CNBD1: variants seen among roughly 807,000 people sequenced by gnomAD.
The protein encoded by CNBD1 is cyclic nucleotide-binding domain-containing protein 1.
In CNBD1, 71 loss-of-function variants were observed where a neutral mutation model predicts 54.4. The observed-to-expected ratio is 1.30, with a 90% confidence interval of 1.08 to 1.59. The LOEUF (loss-of-function observed/expected upper bound fraction) is 1.59, where lower values mean the gene tolerates loss of function less well. CNBD1 is among the 40% of genes most tolerant of loss of function. The pLI is 0.00. For synonymous variants in CNBD1, 182 were observed against 170.7 expected, an observed-to-expected ratio of 1.07 and a Z score of -0.51; for missense variants, 659 against 518.0, an observed-to-expected ratio of 1.27 and a Z score of -2.64.
intron 5 of CNBD1, among the ~76,000 whole-genome samples, chr8:87,213,569 A>C (rs1363380804): frequency 6.6e-6 from 1 of 152,186 alleles, no homozygotes; most frequent in African/African-American, 2.4e-5. Context: ...CCATGACAAC[A>C]GTATGGGAGA....
chr8:87,080,247 T>C (rs983804834), intron 4 of CNBD1, among the ~76,000 whole-genome samples: 1 of 152,200 alleles, frequency 6.6e-6, no homozygotes, highest in Non-Finnish European at 1.5e-5. Context: ...TTGTTCTTTT[T>C]CAAAATTACT....
chr8:86,915,008 A>G (rs1316275332), intron 3 of CNBD1, among the ~76,000 whole-genome samples: 7 of 152,186 alleles, frequency 4.6e-5, no homozygotes. Context: ...AGTTTAATAC[A>G]CGCAGAGCCA....
intron 6 of CNBD1, among the ~76,000 whole-genome samples, chr8:87,280,596 G>A (rs759224588): frequency 6.6e-6 from 1 of 151,398 alleles, no homozygotes; most frequent in Non-Finnish European, 1.5e-5. Flanking sequence ...CTTATTTAAT[G>A]TGTAAATGCC....
chr8:87,136,476 CA>C (rs1325747495), intron 4 of CNBD1, among the ~76,000 whole-genome samples: 1 of 137,524 alleles, frequency 7.3e-6, no homozygotes, highest in African/African-American at 2.7e-5. Context: ...AAGAAGCATA[CA>C]TTTTGCTTAT....
chr8:87,260,523 A>G (rs1415397895), intron 6 of CNBD1, among the ~76,000 whole-genome samples: 1 of 152,130 alleles, frequency 6.6e-6, no homozygotes, highest in Non-Finnish European at 1.5e-5. Context: ...TTTTTGCATT[A>G]ATCAAAACTT....
At chr8:86,965,339 G>A (rs1319142881) in intron 4 of CNBD1, among the ~76,000 whole-genome samples, 1 of 152,136 alleles carries the variant, frequency 6.6e-6, no homozygotes, top group African/African-American at 2.4e-5. Context: ...TGTAGCCTCA[G>A]CCAGATACTC....
At chr8:87,267,650 A>C (rs1288916256) in intron 6 of CNBD1, among the ~76,000 whole-genome samples, 1 of 152,184 alleles carries the variant, frequency 6.6e-6, no homozygotes, top group Non-Finnish European at 1.5e-5. Context: ...AAAAGAATGA[A>C]TAAGTAATTT....
At chr8:87,340,200 T>C (rs1006468492) in intron 8 of CNBD1, among the ~76,000 whole-genome samples, 2 of 152,210 alleles carry the variant, frequency 1.3e-5, no homozygotes, top group South Asian at 4.1e-4. Flanking sequence ...GAATATGTTA[T>C]ATCTTCTTCT....
At position 87,287,385 on chromosome 8, in the gene CNBD1, A is replaced by C. The variant is rs531250985; in HGVS notation, c.1042+714A>C. 7.9e-5 allele frequency among the ~76,000 whole-genome samples: 12 copies of C among 152,270 alleles called. No homozygotes were observed. In the South Asian group the frequency reaches 2.3e-3, roughly 29 times the overall value. On this transcript the variant is annotated intron_variant, in intron 8 of 10. Coordinates refer to ENST00000518476, the MANE Select transcript of CNBD1 (RefSeq NM_173538.3). ...CACAATTGCTACATGAGAGACAGCC[A>C]CAGATAACAGAGAGAGGATGGCGAC...
At chr8:87,357,540 T>A (rs765854428) in intron 10 of CNBD1, among the ~76,000 whole-genome samples, 16 of 152,174 alleles carry the variant, frequency 1.1e-4, no homozygotes, top group South Asian at 6.2e-4. Context: ...GTTTCCCCTA[T>A]CTTTTGTCTT....
chr8:86,888,306 CAGAG>C (rs1320762990), intron 2 of CNBD1, among the ~76,000 whole-genome samples: 1 of 152,026 alleles, frequency 6.6e-6, no homozygotes, highest in African/African-American at 2.4e-5. Flanking sequence ...TCTTCTGTCT[CAGAG>C]AGAGAGAAGA....
At position 87,326,292 on chromosome 8, in the gene CNBD1, A is replaced by T. The variant is rs1489847449; in HGVS notation, c.1043-25393A>T. On this transcript the variant is annotated intron_variant, in intron 8 of 10. Coordinates refer to ENST00000518476, the MANE Select transcript of CNBD1 (RefSeq NM_173538.3). ...TGACAATGATGTGTCTTGGAGTTGCACTTCTCGAGGAATATCTTTGTGGCG... is the reference window on the plus strand; with the variant it reads ...TGACAATGATGTGTCTTGGAGTTGCTCTTCTCGAGGAATATCTTTGTGGCG... Among the ~76,000 whole-genome samples, 678 of 122,674 alleles carry T rather than the reference A, an allele frequency of 5.5e-3. 105 individuals are homozygous for T. The highest frequency in any genetic ancestry group is 0.02 in the African/African-American group (658 of 33,056). 80.5% of individuals were successfully genotyped at this position (122,674 alleles called of 152,430 possible).
chr8:87,223,308 G>C (rs1331197903), intron 5 of CNBD1, among the ~76,000 whole-genome samples: 1 of 150,552 alleles, frequency 6.6e-6, no homozygotes, highest in Admixed American at 6.6e-5. Context: ...AGTTACATAC[G>C]TATACATGTG....
intron 4 of CNBD1, among the ~76,000 whole-genome samples, chr8:87,041,556 TG>T (rs1019798069): frequency 4.6e-5 from 7 of 152,294 alleles, no homozygotes; most frequent in African/African-American, 1.7e-4. Flanking sequence ...CCCAGCACTT[TG>T]GGAAGCCAAG....
intron 10 of CNBD1, among the ~76,000 whole-genome samples, chr8:87,358,134 A>G (rs1040562223): frequency 6.6e-6 from 1 of 152,126 alleles, no homozygotes; most frequent in Non-Finnish European, 1.5e-5. Context: ...TTGCAGAACT[A>G]TCAGTCAAAT....
At chr8:87,032,397 C>A (rs1311545232) in intron 4 of CNBD1, among the ~76,000 whole-genome samples, 2 of 152,118 alleles carry the variant, frequency 1.3e-5, no homozygotes, top group Non-Finnish European at 2.9e-5. Flanking sequence ...TATATTCTTA[C>A]ACTAAAGTAA....
chr8:86,989,336 C>CATAT (rs1808686404), intron 4 of CNBD1, among the ~76,000 whole-genome samples: 1 of 152,024 alleles, frequency 6.6e-6, no homozygotes, highest in Admixed American at 6.5e-5. Flanking sequence ...TACATACATA[C>CATAT]ATAGGTATGC....
chr8:87,178,380 A>G (rs757490411), intron 4 of CNBD1, among the ~76,000 whole-genome samples: 12 of 152,174 alleles, frequency 7.9e-5, no homozygotes, highest in Non-Finnish European at 1.3e-4. Context: ...GGGGCATGCA[A>G]TGCAGATATC....
chr8:87,089,234 G>A (rs1381775699), intron 4 of CNBD1, among the ~76,000 whole-genome samples: 1 of 152,104 alleles, frequency 6.6e-6, no homozygotes, highest in Non-Finnish European at 1.5e-5. Flanking sequence ...CCACAGACAT[G>A]ATTCTGTAGC....
Sources: gnomAD v4.1 joint callset for allele counts (sites outside exome capture counted in the v4.1 genomes callset) on GRCh38, gnomAD v4.1.1 for gene constraint, MANE v1.5 for transcripts, NCBI Gene and HGNC (gene_info 2026-07-23, HGNC 2026-07-21) for gene names.